The following MSRA variants were observed in gnomAD, a reference collection of about 807,000 sequenced individuals.
MSRA encodes mitochondrial peptide methionine sulfoxide reductase.
In MSRA, 54 loss-of-function variants were observed where a neutral mutation model predicts 31.3. That is an observed-to-expected ratio of 1.73 (90% CI 1.39 to 2.17). The LOEUF is 2.17. Among genes scored for constraint, MSRA ranks in the 30% most tolerant of loss-of-function variants. The probability of loss-of-function intolerance (pLI) is 0.00; values close to 1 mark genes in which losing one functional copy is unlikely to be tolerated. For synonymous variants in MSRA, 169 were observed against 116.5 expected (o/e 1.45, Z -2.90); for missense variants, 507 against 300.9 (o/e 1.69, Z -5.07).
At chr8:10,323,871 C>G (rs1802206757) in intron 5 of MSRA, among the ~76,000 whole-genome samples, 1 of 151,896 alleles carries the variant, frequency 6.6e-6, no homozygotes, top group Admixed American at 6.6e-5. Context: ...ACTCCTGTGC[C>G]TTTAGTATCC....
intron 1 of MSRA, among the ~76,000 whole-genome samples, chr8:10,062,381 C>G (rs756969386): frequency 6.6e-5 from 10 of 152,180 alleles, no homozygotes; most frequent in Admixed American, 1.3e-4. Context: ...ACATGCTGCT[C>G]TTATCTTCCT....
chr8:10,106,013 G>A (rs777662018), intron 1 of MSRA, among the ~76,000 whole-genome samples: 1 of 152,296 alleles, frequency 6.6e-6, no homozygotes, highest in African/African-American at 2.4e-5. Flanking sequence ...TTTTAAAATT[G>A]GAATCGGAAA....
At chr8:10,383,910 C>T (rs998989702) in intron 5 of MSRA, among the ~76,000 whole-genome samples, 7 of 152,120 alleles carry the variant, frequency 4.6e-5, no homozygotes, top group African/African-American at 1.7e-4. Context: ...ACGGGAAGAA[C>T]ATCCAGGACA....
chr8:10,221,409 A>ATT (rs1189716506), intron 2 of MSRA, among the ~76,000 whole-genome samples: 2 of 149,606 alleles, frequency 1.3e-5, no homozygotes, highest in East Asian at 3.9e-4. Flanking sequence ...TAAGCTACAT[A>ATT]TTATAAATAT....
chr8:10,237,581 T>A (rs1680319834), intron 2 of MSRA, among the ~76,000 whole-genome samples: 1 of 152,184 alleles, frequency 6.6e-6, no homozygotes, highest in Non-Finnish European at 1.5e-5. Context: ...AAAGAAAAAT[T>A]TGAAGAAGTA....
intron 2 of MSRA, among the ~76,000 whole-genome samples, chr8:10,210,244 C>G (rs531542136): frequency 1.1e-4 from 16 of 152,284 alleles, no homozygotes; most frequent in African/African-American, 3.4e-4. Flanking sequence ...GGCCATGTGA[C>G]TTATCCAGAG....
At chr8:10,413,661 T>TAAAA (rs35633124) in intron 5 of MSRA, among the ~76,000 whole-genome samples, 14 of 137,532 alleles carry the variant, frequency 1.0e-4, no homozygotes, top group South Asian at 2.5e-4. Flanking sequence ...AGAGAGATAT[T>TAAAA]AAAAAAAAAA....
At chr8:10,382,440 C>G (rs1026395143) in intron 5 of MSRA, among the ~76,000 whole-genome samples, 1 of 152,212 alleles carries the variant, frequency 6.6e-6, no homozygotes, top group African/African-American at 2.4e-5. Flanking sequence ...GGAAAGGTCC[C>G]TCTAGCAGCT....
intron 1 of MSRA, among the ~76,000 whole-genome samples, chr8:10,198,664 C>A (rs564888796): frequency 6.6e-6 from 1 of 152,148 alleles, no homozygotes; most frequent in South Asian, 2.1e-4. Context: ...TCCTCTGTCA[C>A]CCAGGCTGGA....
chr8:10,300,735 T>C (rs1436834216), intron 3 of MSRA, among the ~76,000 whole-genome samples: 1 of 152,106 alleles, frequency 6.6e-6, no homozygotes, highest in African/African-American at 2.4e-5. Flanking sequence ...AGATAAAAAA[T>C]TTATATAGCC....
intron 4 of MSRA, among the ~76,000 whole-genome samples, chr8:10,310,890 T>C (rs936314967): frequency 6.6e-6 from 1 of 152,252 alleles, no homozygotes; most frequent in African/African-American, 2.4e-5. Flanking sequence ...TGATGTCCAT[T>C]ACAATTTTAT....
chr8:10,126,183 G>A (rs1801482924), intron 1 of MSRA, among the ~76,000 whole-genome samples: 1 of 152,206 alleles, frequency 6.6e-6, no homozygotes, highest in African/African-American at 2.4e-5. Flanking sequence ...GGTGAGATGA[G>A]TTGTATCTTA....
chr8:10,150,266 A>G (rs1174428130), intron 1 of MSRA, among the ~76,000 whole-genome samples: 2 of 152,156 alleles, frequency 1.3e-5, no homozygotes, highest in East Asian at 1.9e-4. Context: ...AATTACATCT[A>G]TGAATAAAGT....
At chr8:10,305,469 C>T (rs957022685) in intron 4 of MSRA, among the ~76,000 whole-genome samples, 14 of 145,840 alleles carry the variant, frequency 9.6e-5, no homozygotes, top group East Asian at 4.0e-4. Context: ...GCTGGAGTAC[C>T]GTGGTGTGAT....
At chr8:10,217,288 G>A (rs1032104231) in intron 2 of MSRA, among the ~76,000 whole-genome samples, 13 of 152,176 alleles carry the variant, frequency 8.5e-5, no homozygotes, top group Admixed American at 3.3e-4. Flanking sequence ...AGTGAGCGGC[G>A]CGCAAGTCTC....
At chr8:10,057,619 T>C (rs1056782300) in intron 1 of MSRA, among the ~76,000 whole-genome samples, 1 of 152,188 alleles carries the variant, frequency 6.6e-6, no homozygotes, top group African/African-American at 2.4e-5. Flanking sequence ...TGAGAGGTGA[T>C]TGAAACATGC....
intron 1 of MSRA, among the ~76,000 whole-genome samples, chr8:10,151,218 C>T (rs73530954): frequency 0.19 from 27,292 of 144,454 alleles, 3,041 homozygotes; most frequent in East Asian, 0.52. Flanking sequence ...GCCAAGACTG[C>T]ACCACTGCAT....
At chr8:10,418,548 A>G (rs1376857342) in intron 5 of MSRA, among the ~76,000 whole-genome samples, 1 of 152,116 alleles carries the variant, frequency 6.6e-6, no homozygotes, top group Non-Finnish European at 1.5e-5. Context: ...TGAAATTATA[A>G]GCAAGTATTT....
intron 3 of MSRA, among the ~76,000 whole-genome samples, chr8:10,246,117 T>G (rs572422033): frequency 2.6e-5 from 4 of 152,378 alleles, no homozygotes; most frequent in Non-Finnish European, 4.4e-5. Flanking sequence ...TAAATTTTTG[T>G]TGAAGCACAG....
Sources: allele counts gnomAD v4.1 joint callset (sites outside exome capture counted in the v4.1 genomes callset), GRCh38; gene constraint gnomAD v4.1.1; transcripts MANE v1.5; gene names NCBI Gene and HGNC (gene_info 2026-07-23, HGNC 2026-07-21).